Variants in SPECC1 observed in about 807,000 individuals in gnomAD.
The protein encoded by SPECC1 is cytospin-B.
Under a neutral mutation model 104.1 loss-of-function variants are expected in SPECC1, and 62 were observed. That is an observed-to-expected ratio of 0.60 (90% CI 0.49 to 0.74). SPECC1 has a LOEUF of 0.74. Among genes scored for constraint, SPECC1 ranks in the 30% least tolerant of loss-of-function variants. SPECC1 has a pLI of 0.00. For synonymous variants in SPECC1, 513 were observed against 501.6 expected (o/e 1.02, Z -0.30); for missense variants, 1,306 against 1,310.5 (o/e 1.00, Z 0.05).
intron 3 of SPECC1, among the ~76,000 whole-genome samples, chr17:20,130,701 C>T (rs2049571444): frequency 1.3e-5 from 2 of 152,046 alleles, no homozygotes; most frequent in African/African-American, 4.8e-5. Flanking sequence ...TATTATTTTC[C>T]AAAATTGTTC....
chr17:20,029,424 G>A (rs1307063838), intron 1 of SPECC1, among the ~76,000 whole-genome samples: 1 of 152,232 alleles, frequency 6.6e-6, no homozygotes, highest in Non-Finnish European at 1.5e-5. Context: ...AGTTCCCTTA[G>A]GATTTTCTAA....
chr17:20,257,037 T>G (rs879450762), intron 10 of SPECC1, among the ~76,000 whole-genome samples: 5 of 152,234 alleles, frequency 3.3e-5, no homozygotes, highest in African/African-American at 4.8e-5. Flanking sequence ...GGTTCCCAGC[T>G]TCTTGTTTAT....
At chr17:20,156,859 T>C (rs2152572505) in intron 3 of SPECC1, among the ~76,000 whole-genome samples, 1 of 152,266 alleles carries the variant, frequency 6.6e-6, no homozygotes, top group East Asian at 1.9e-4. Context: ...TAAGCAGGGT[T>C]GCTTTTAAAA....
chr17:20,131,653 TTTTTTGCTTTTTTGAAGA>T (rs1446071553), intron 3 of SPECC1, among the ~76,000 whole-genome samples: 1 of 148,664 alleles, frequency 6.7e-6, no homozygotes, highest in Non-Finnish European at 1.5e-5. Flanking sequence ...TTTTTTTTTT[TTTTTTGCTTTTTTGAAGA>T]TGGAGTCTCA....
chr17:20,270,530 A>T (rs2040373056), intron 12 of SPECC1, among the ~76,000 whole-genome samples: 1 of 148,186 alleles, frequency 6.7e-6, no homozygotes, highest in Admixed American at 6.8e-5. Context: ...GAAGACAGAG[A>T]CTTACTTGAG....
At position 20,291,057 on chromosome 17, in the gene SPECC1, GA is replaced by G. The variant is rs976727890; in HGVS notation, c.2941-5903del. ...ATTTGGGAAGGGAGCGAGGAAGGGT[GA>G]GAAGGAGAACCTGGCCCGTTTGGAT... On this transcript the variant is annotated intron_variant, in intron 12 of 14. Coordinates refer to ENST00000395527, the MANE Select transcript of SPECC1 (RefSeq NM_001243439.2). 9.2e-5 allele frequency among the ~76,000 whole-genome samples: 14 copies of G among 152,256 alleles called. 1 individual carries two copies. Among genetic ancestry groups the G allele is most frequent in the Admixed American group, 9.2e-4 (14 of 15,286 alleles).
intron 3 of SPECC1, among the ~76,000 whole-genome samples, chr17:20,120,982 C>G (rs1411865341): frequency 6.6e-6 from 1 of 152,158 alleles, no homozygotes; most frequent in Non-Finnish European, 1.5e-5. Flanking sequence ...CATGAGCTTC[C>G]TCATTCTTTT....
intron 7 of SPECC1, among the ~76,000 whole-genome samples, chr17:20,236,113 T>G (rs1393596849): frequency 3.3e-5 from 5 of 152,124 alleles, no homozygotes; most frequent in Non-Finnish European, 5.9e-5. Context: ...TCCAGCTGTC[T>G]TGCCACAGAT....
intron 1 of SPECC1, among the ~76,000 whole-genome samples, chr17:20,025,907 A>C (rs1049553422): frequency 6.6e-6 from 1 of 152,148 alleles, no homozygotes; most frequent in African/African-American, 2.4e-5. Flanking sequence ...CCTAGTGCAT[A>C]TGAAGTGGTG....
Position 20,053,546 on chromosome 17 carries a change from AC to A in SPECC1, c.-21-43084del, listed in dbSNP as rs532619315. Among the ~76,000 whole-genome samples the A allele has an allele frequency of 6.4e-3, 972 of 152,346 alleles. 11 individuals carry two copies. The highest frequency in any genetic ancestry group is 0.022 in the African/African-American group (924 of 41,572). ...AGTGTTAGGAGTAGGAGTAGGAAGA[AC>A]ACTGTGGCTTCCTCCTTGCTCTCTC... is the stretch of plus-strand genomic sequence containing the variant. On this transcript the variant is annotated intron_variant, in intron 1 of 14. Transcript: ENST00000395527.
intron 1 of SPECC1, among the ~76,000 whole-genome samples, chr17:20,062,278 T>C (rs1339527547): frequency 6.6e-6 from 1 of 151,862 alleles, no homozygotes; most frequent in East Asian, 1.9e-4. Flanking sequence ...AAAAATTTTG[T>C]TCTCCAGTCT....
chr17:20,184,776 A>T (rs1366008654), intron 3 of SPECC1, among the ~76,000 whole-genome samples: 1 of 152,254 alleles, frequency 6.6e-6, no homozygotes, highest in Non-Finnish European at 1.5e-5. Context: ...TATTATTATT[A>T]AAGTAAGTCA....
At chr17:20,128,342 T>C (rs1298823419) in intron 3 of SPECC1, among the ~76,000 whole-genome samples, 1 of 152,224 alleles carries the variant, frequency 6.6e-6, no homozygotes, top group African/African-American at 2.4e-5. Context: ...AAATTCAGTG[T>C]ATAATAGCAA....
intron 3 of SPECC1, among the ~76,000 whole-genome samples, chr17:20,161,800 T>TTC (rs1314421160): frequency 6.8e-6 from 1 of 147,804 alleles, no homozygotes; most frequent in African/African-American, 2.5e-5. Flanking sequence ...TTTTCTTTCT[T>TTC]TTTTTTTTTT....
intron 3 of SPECC1, among the ~76,000 whole-genome samples, chr17:20,125,801 G>C (rs913628344): frequency 2.0e-5 from 3 of 152,214 alleles, no homozygotes; most frequent in African/African-American, 7.2e-5. Flanking sequence ...TCAGCTTCTG[G>C]TGGTGTCTGA....
At chr17:20,306,434 G>A (rs1441886552) in intron 14 of SPECC1, among the ~76,000 whole-genome samples, 2 of 152,158 alleles carry the variant, frequency 1.3e-5, no homozygotes, top group Non-Finnish European at 2.9e-5. Context: ...ATACCCAGAT[G>A]CCAGAAATGT....
chr17:20,082,960 TCGTTCGTTC>T (rs2047034060), intron 1 of SPECC1, among the ~76,000 whole-genome samples: 2 of 27,678 alleles, frequency 7.2e-5, no homozygotes, highest in Non-Finnish European at 1.6e-4. Context: ...CCTTTGGTGT[TCGTTCGTTC>T]GTTCGTTCGT....
intron 5 of SPECC1, 101 bp downstream of exon 5, chr17:20,227,721 G>A (rs1453245222): frequency 2.7e-6 from 3 of 1,094,362 alleles, no homozygotes; most frequent in East Asian, 5.2e-5. Flanking sequence ...TCGAGACCCA[G>A]CCTGACCAAC....
At chr17:20,194,481 T>A (rs2035872032) in intron 3 of SPECC1, among the ~76,000 whole-genome samples, 1 of 150,094 alleles carries the variant, frequency 6.7e-6, no homozygotes, top group East Asian at 2.0e-4. Flanking sequence ...TCCAATTGTG[T>A]TCTGTTAGAA....
Sources: gnomAD v4.1 joint callset for allele counts (sites outside exome capture counted in the v4.1 genomes callset) on GRCh38, gnomAD v4.1.1 for gene constraint, MANE v1.5 for transcripts, NCBI Gene and HGNC (gene_info 2026-07-23, HGNC 2026-07-21) for gene names.